The following NKX6-1 variants were observed in gnomAD, a reference collection of about 807,000 sequenced individuals.
The protein encoded by NKX6-1 is homeobox protein Nkx-6.1.
Under a neutral mutation model 24.9 loss-of-function variants are expected in NKX6-1, and 11 were observed. The ratio of observed to expected loss-of-function variants is 0.44; its 90% confidence interval spans 0.28 to 0.73. The LOEUF (loss-of-function observed/expected upper bound fraction) is 0.73. Among genes scored for constraint, NKX6-1 ranks in the 30% least tolerant of loss-of-function variants. The pLI is 0.15. For missense variants in NKX6-1, 487 were observed against 502.9 expected (o/e 0.97, Z 0.30); for synonymous variants, 277 against 242.9 (o/e 1.14, Z -1.31).
intron 1 of NKX6-1, chr4:84,496,421 C>A (rs1255571149): frequency 7.3e-6 from 1 of 137,806 alleles, no homozygotes; most frequent in African/African-American, 3.6e-5. Flanking sequence ...GCCATCAAAA[C>A]CGATACAATA....
chr4:84,496,133 C>CT (rs1226900999), intron 1 of NKX6-1, among the ~76,000 whole-genome samples: 1 of 152,140 alleles, frequency 6.6e-6, no homozygotes, highest in East Asian at 1.9e-4. Context: ...TTGCCAGAGC[C>CT]TAATCGCAAG....
Position 84,497,846 on chromosome 4 carries a change from G to C in NKX6-1, c.383C>G (p.Ser128Cys). Reference sequence around the variant, plus strand: ...GGCGGAGGAGGCAGAGGCGGACGAGGAAGAGGAGGAGGAGGAACCGGAGGG... The same window carrying C: ...GGCGGAGGAGGCAGAGGCGGACGAGCAAGAGGAGGAGGAGGAACCGGAGGG... ...ASPSGSSSSS[S>C]SSASASSASA... Residue 128 changes from serine to cysteine, a missense_variant, in exon 1 of 3, where the codon TCC becomes TGC. By Grantham distance (112) the Ser-to-Cys change is moderately radical. This residue lies in a region of NKX6-1 where 316 missense variants were observed against 311.4 expected (regional missense o/e 1.01). Transcript: ENST00000295886. This position sits in a 1 kb window ranked among gnomAD's most constrained non-coding sequence, Gnocchi z 4.8. The C allele has an allele frequency of 1.6e-6, 2 of 1,272,958 alleles. No homozygotes were observed. Among genetic ancestry groups the C allele is most frequent in the African/African-American group, 3.1e-5 (2 of 65,006 alleles). The allele number at this position is 1,272,958 out of a possible 1,614,324, so 78.9% of individuals were successfully genotyped here.
chr4:84,492,917 C>CG lies in NKX6-1; in HGVS notation c.*371_*372insC, dbSNP rs1419005153. ...CTTCCACAGCACCTCTCGGCGCCCC[C>CG]TACCCCGCCGCCCGCGGGGGCAAAA... On this transcript the variant is annotated 3_prime_UTR_variant, in exon 3 of 3. Coordinates refer to ENST00000295886, the MANE Select transcript of NKX6-1 (RefSeq NM_006168.3). The CG allele has an allele frequency of 6.2e-6, 1 of 162,240 alleles. No homozygotes were observed. Among genetic ancestry groups the CG allele is most frequent in the African/African-American group, 2.4e-5 (1 of 41,938 alleles). 10.1% of individuals were successfully genotyped at this position (162,240 alleles called of 1,614,324 possible).
chr4:84,497,722 C>G lies in NKX6-1; in HGVS notation c.507G>C (p.Pro169=). The stretch of plus-strand genomic sequence containing the variant: ...TGAAGTAGAGCCCGGGCGGCGGCGG[C>G]GGCGGGCTCAGGCTGCTAAAGCGTG... ...GLPRFSSLSP[P]PPPPGLYFSP... The change falls in exon 1 of 3, where the codon CCG becomes CCC. Residue 169 remains proline, a synonymous_variant. Transcript: ENST00000295886. This position sits in a 1 kb window ranked among gnomAD's most constrained non-coding sequence, Gnocchi z 4.8. 1 of 1,258,988 alleles carries G rather than the reference C, an allele frequency of 7.9e-7. No individual in the cohort carries two copies. The highest frequency in any genetic ancestry group is 1.0e-6 in the Non-Finnish European group (1 of 1,000,312). 78.0% of individuals were successfully genotyped at this position (1,258,988 alleles called of 1,614,324 possible). A position where few individuals can be genotyped will look rare whatever the true frequency, so the allele number is the denominator to read the frequency against.
Position 84,497,474 on chromosome 4 carries a change from C to G in NKX6-1, c.670+85G>C, listed in dbSNP as rs184641710. 1.1e-5 allele frequency: 14 copies of G among 1,247,014 alleles called. No individual in the cohort carries two copies. The highest frequency in any genetic ancestry group is 1.2e-5 in the Non-Finnish European group (12 of 987,612). 77.2% of individuals were successfully genotyped at this position (1,247,014 alleles called of 1,614,324 possible). On this transcript the variant is annotated intron_variant, in intron 1 of 2. Transcript: ENST00000295886. The surrounding 1 kb of genome is among the most constrained non-coding windows in gnomAD (Gnocchi z 4.8). ...GGGGCGGGCCACAGGATGGACTGAGCGGCATGCACACCAGGGGCCGCGACC... is the reference window on the plus strand; with the variant it reads ...GGGGCGGGCCACAGGATGGACTGAGGGGCATGCACACCAGGGGCCGCGACC...
At chr4:84,494,330 T>C (rs1720780448) in intron 2 of NKX6-1, among the ~76,000 whole-genome samples, 1 of 152,244 alleles carries the variant, frequency 6.6e-6, no homozygotes, top group African/African-American at 2.4e-5. Flanking sequence ...TTGGCATGTC[T>C]ATTCTTTCAA....
intron 1 of NKX6-1, 98 bp from the exon 2 acceptor site, chr4:84,495,942 G>T: frequency 1.6e-6 from 2 of 1,258,360 alleles, no homozygotes; most frequent in South Asian, 1.3e-5. Flanking sequence ...AATGTTTTGT[G>T]GGGAAAGAAA....
Position 84,493,276 on chromosome 4 carries a change from C to CGGGGGGGGGGGGGGGGGG in NKX6-1, c.*12_*13insCCCCCCCCCCCCCCCCCC. ...GGAGGCCGGAGCCGGGAAGGTGCGG[C>CGGGGGGGGGGGGGGGGGG]GGGCGGCGGCGTTCAGGATGAGCTC... is the stretch of plus-strand genomic sequence containing the variant. On this transcript the variant is annotated 3_prime_UTR_variant, in exon 3 of 3. Coordinates refer to ENST00000295886, the MANE Select transcript of NKX6-1 (RefSeq NM_006168.3). This position sits in a 1 kb window ranked among gnomAD's most constrained non-coding sequence, Gnocchi z 5.1. 7.1e-7 allele frequency: 1 copy of CGGGGGGGGGGGGGGGGGG among 1,408,670 alleles called. No individual in the cohort carries two copies. 87.3% of individuals were successfully genotyped at this position (1,408,670 alleles called of 1,614,324 possible). A position where few individuals can be genotyped will look rare whatever the true frequency, so the allele number is the denominator to read the frequency against.
At position 84,495,870 on chromosome 4, in the gene NKX6-1, G is replaced by A. The variant is rs540168245; in HGVS notation, c.671-26C>T. On this transcript the variant is annotated intron_variant, in intron 1 of 2. Transcript: ENST00000295886. Reference sequence around the variant, plus strand: ...CTGTGAGAACCAATAAACAACGAGAGAGGGGGAAAAACAATCGGTTACAAG... The same window carrying A: ...CTGTGAGAACCAATAAACAACGAGAAAGGGGGAAAAACAATCGGTTACAAG... 26 of 1,611,590 alleles carry A rather than the reference G, an allele frequency of 1.6e-5. No homozygotes were observed. The East Asian group carries it at 3.3e-4, about 21-fold the overall frequency.
chr4:84,493,497 A>G lies in NKX6-1; in HGVS notation c.896T>C (p.Met299Thr). ...GTCCTGCTTCTTCTTGGCCGTGGCC[A>G]TCTCGGCAGCGTGCTTCTTCCTCCA... is the stretch of plus-strand genomic sequence containing the variant. Reference protein sequence around the residue: ...TKWRKKHAAEMATAKKKQDSE... With the variant: ...TKWRKKHAAETATAKKKQDSE... The change falls in exon 3 of 3, where the codon ATG (methionine) becomes ACG (threonine). Residue 299 changes from methionine to threonine, a missense_variant. Physicochemically the swap from Met to Thr is moderately conservative, Grantham distance 81. Coordinates refer to ENST00000295886, the MANE Select transcript of NKX6-1 (RefSeq NM_006168.3). The surrounding 1 kb of genome is among the most constrained non-coding windows in gnomAD (Gnocchi z 5.1). 6.2e-7 allele frequency: 1 copy of G among 1,614,198 alleles called. No individual in the cohort carries two copies. The highest frequency in any genetic ancestry group is 8.5e-7 in the Non-Finnish European group (1 of 1,180,034).
In NKX6-1 at chr4:84,498,040, A is replaced by G. The variant is rs760837119; in HGVS notation, c.189T>C (p.Pro63=). 4 of 1,069,124 alleles carry G rather than the reference A, an allele frequency of 3.7e-6. No individual in the cohort carries two copies. The East Asian group carries it at 2.0e-4, about 53-fold the overall frequency. 66.2% of individuals were successfully genotyped at this position (1,069,124 alleles called of 1,614,324 possible). A position where few individuals can be genotyped will look rare whatever the true frequency, so the allele number is the denominator to read the frequency against. The change falls in exon 1 of 3, where the codon CCT becomes CCC. Residue 63 remains proline (P), a synonymous_variant. Transcript: ENST00000295886. ...GGCCGCCTGGGTTGTGGGTGCCCAGAGGCGGGGAGGGCGACGAGGAGGACG... is the reference window on the plus strand; with the variant it reads ...GGCCGCCTGGGTTGTGGGTGCCCAGGGGCGGGGAGGGCGACGAGGAGGACG... ...SSSSSSSPSP[P]LGTHNPGGLK...
Position 84,498,763 on chromosome 4 carries a change from C to A in NKX6-1, c.-535G>T, listed in dbSNP as rs1240274897. 3.9e-5 allele frequency among the ~76,000 whole-genome samples: 6 copies of A among 152,176 alleles called. No individual in the cohort carries two copies. Among genetic ancestry groups the A allele is most frequent in the Non-Finnish European group, 1.5e-5 (1 of 68,018 alleles). On this transcript the variant is annotated 5_prime_UTR_variant, in exon 1 of 3. Transcript: ENST00000295886. ...TACTGGGATGCTCTGCTCTTTCGGT[C>A]GCGCGGCTGATTCGCATTCGACGCT...
At position 84,497,692 on chromosome 4, in the gene NKX6-1, G is replaced by T; in HGVS notation, c.537C>A (p.Pro179=). The change falls in exon 1 of 3, where the codon CCC becomes CCA. Residue 179 remains proline (P), a synonymous_variant. Transcript: ENST00000295886. The surrounding 1 kb of genome is among the most constrained non-coding windows in gnomAD (Gnocchi z 4.8). Reference sequence around the variant, plus strand: ...CCACGGCGGCCACGGCCGCGGCGCTGGGGCTGAAGTAGAGCCCGGGCGGCG... The same window carrying T: ...CCACGGCGGCCACGGCCGCGGCGCTTGGGCTGAAGTAGAGCCCGGGCGGCG... ...PPPPPGLYFS[P]SAAAVAAVGR... The T allele has an allele frequency of 7.9e-7, 1 of 1,271,458 alleles. No homozygotes were observed. The highest frequency in any genetic ancestry group is 9.9e-7 in the Non-Finnish European group (1 of 1,005,128). 78.8% of individuals were successfully genotyped at this position (1,271,458 alleles called of 1,614,324 possible).
At chr4:84,495,452 C>T (rs1300361691) in intron 2 of NKX6-1, among the ~76,000 whole-genome samples, 3 of 152,144 alleles carry the variant, frequency 2.0e-5, no homozygotes, top group African/African-American at 7.2e-5. Flanking sequence ...GACTTGATTC[C>T]TTTTGTTCAT....
At chr4:84,496,355 GAGGGGGAGAGGGGA>G in intron 1 of NKX6-1, 1 of 152,000 alleles carries the variant, frequency 6.6e-6, no homozygotes. Flanking sequence ...CGCTGCAGCC[GAGGGGGAGAGGGGA>G]AGGGGGAGGG....
At chr4:84,495,554 C>T in intron 2 of NKX6-1, 118 bp downstream of exon 2, 2 of 933,680 alleles carry the variant, frequency 2.1e-6, no homozygotes, top group Non-Finnish European at 3.2e-6. Flanking sequence ...CTTGGATTCG[C>T]ACCTCCCAGG....
At position 84,498,212 on chromosome 4, in the gene NKX6-1, GC is replaced by G; in HGVS notation, c.16del (p.Ala6GlnfsTer26). The G allele has an allele frequency of 1.5e-6, 2 of 1,295,926 alleles. No homozygotes were observed. The highest frequency in any genetic ancestry group is 9.8e-7 in the Non-Finnish European group (1 of 1,021,510). The allele number at this position is 1,295,926 out of a possible 1,614,324, so 80.3% of individuals were successfully genotyped here. A position where few individuals can be genotyped will look rare whatever the true frequency, so the allele number is the denominator to read the frequency against. On this transcript the variant is annotated frameshift_variant, in exon 1 of 3. Transcript: ENST00000295886. LOFTEE classifies it high-confidence loss of function. ...TGCGCTCTGCCGGGTGCCCTCCATT[GC>G]CCCCACCGCTAACATCCCACGGCCA... MLAVG[A>X]MEGTRQSAFL...
At chr4:84,495,620 C>T (rs1316900502) in intron 2 of NKX6-1, 52 bp downstream of exon 2, 4 of 1,515,730 alleles carry the variant, frequency 2.6e-6, no homozygotes, top group Admixed American at 3.4e-5. Context: ...TGTGTGCACG[C>T]GCGCGCGACA....
At position 84,493,398 on chromosome 4, in the gene NKX6-1, G is replaced by C. The variant is rs753455397; in HGVS notation, c.995C>G (p.Pro332Arg). The C allele has an allele frequency of 6.2e-7, 1 of 1,614,194 alleles. No individual in the cohort carries two copies. The change falls in exon 3 of 3, where the codon CCC becomes CGC. Residue 332 changes from proline to arginine, a missense_variant. This residue lies in a region of NKX6-1 where 126 missense variants were observed against 105.5 expected (regional missense o/e 1.19). Coordinates refer to ENST00000295886, the MANE Select transcript of NKX6-1 (RefSeq NM_006168.3). This position sits in a 1 kb window ranked among gnomAD's most constrained non-coding sequence, Gnocchi z 5.1. ...CGTGATTTTCTCGTCGTCCGAGTTG[G>C]GATCCAGAGGCTTATTGTAGTCGTC... is the stretch of plus-strand genomic sequence containing the variant. ...EDDDYNKPLD[P>R]NSDDEKITQL...
Sources: gnomAD v4.1 joint callset for allele counts (sites outside exome capture counted in the v4.1 genomes callset) on GRCh38, gnomAD v4.1.1 for gene constraint, gnomAD v4.1.1 regional missense constraint, Gnocchi (gnomAD v3.1) non-coding constraint, MANE v1.5 for transcripts, NCBI Gene and HGNC (gene_info 2026-07-23, HGNC 2026-07-21) for gene names.